The following CLDN2 variants were observed in gnomAD, a reference collection of about 807,000 sequenced individuals.
CLDN2 encodes the protein claudin-2.
CLDN2 carries 1 observed loss-of-function variant against 8.2 expected under a neutral mutation model. The ratio of observed to expected loss-of-function variants is 0.12; its 90% CI spans 0.04 to 0.58. The LOEUF (loss-of-function observed/expected upper bound fraction) is 0.58. CLDN2 is among the 20% of genes least tolerant of loss of function. The pLI, the probability that CLDN2 is intolerant of heterozygous loss-of-function variation, is 0.90. For synonymous variants in CLDN2, 70 were observed against 70.2 expected, an observed-to-expected ratio of 1.00 and a Z score of 0.01; for missense variants, 108 against 172.9, an observed-to-expected ratio of 0.62 and a Z score of 2.11.
chrX:106,907,532 C>T (rs1933194347), intron 1 of CLDN2, among the ~76,000 whole-genome samples: 1 of 110,476 alleles, frequency 9.1e-6, no homozygotes, highest in Non-Finnish European at 1.9e-5. Flanking sequence ...AAAACCCCAT[C>T]TCTACTAAAA....
At chrX:106,916,307 C>A (rs567841819), upstream of CLDN2, among the ~76,000 whole-genome samples, 152 of 110,554 alleles carry the variant, frequency 1.4e-3, 1 homozygote, top group African/African-American at 4.8e-3. Flanking sequence ...CCAGGGTCCA[C>A]AAAGAGTTCC....
chrX:106,922,942 T>C (rs531480071), intron 1 of CLDN2, among the ~76,000 whole-genome samples: 4 of 109,656 alleles, frequency 3.6e-5, no homozygotes, highest in African/African-American at 1.3e-4. Flanking sequence ...AAGTTTGAAC[T>C]TCATCCTGAA....
chrX:106,909,582 G>A (rs1388518935), intron 1 of CLDN2, among the ~76,000 whole-genome samples: 1 of 112,049 alleles, frequency 8.9e-6, no homozygotes, highest in Non-Finnish European at 1.9e-5. Context: ...ATCCAGTGAG[G>A]GTGCCCAGTG....
Position 106,903,346 on chromosome X carries a change from G to A in CLDN2, c.-179+2842G>A. On this transcript the variant is annotated intron_variant, in intron 1 of 1. Transcript: ENST00000541806. Reference sequence around the variant, plus strand: ...TTCCCAGAACCTTCTGCACTCTTTTGGCTTTTCCTGGGAGACCCTTTTATA... The same window carrying A: ...TTCCCAGAACCTTCTGCACTCTTTTAGCTTTTCCTGGGAGACCCTTTTATA... The A allele has an allele frequency of 4.6e-6, 5 of 1,093,111 alleles. No individual in the cohort carries two copies. In the South Asian group the frequency reaches 1.2e-4, roughly 26 times the overall value. The allele number at this position is 1,093,111 out of a possible 1,213,427, so 90.1% of individuals were successfully genotyped here. A position where few individuals can be genotyped will look rare whatever the true frequency, so the allele number is the denominator to read the frequency against.
rs1384560660 is a variant in CLDN2 at position 106,930,159 on chromosome X, G to A, written c.*1238G>A. 1 of 122,969 alleles carries A rather than the reference G, an allele frequency of 8.1e-6. No individual in the cohort carries two copies. Among genetic ancestry groups the A allele is most frequent in the Non-Finnish European group, 1.9e-5 (1 of 53,280 alleles). The allele number at this position is 122,969 out of a possible 1,213,427, so 10.1% of individuals were successfully genotyped here. A position where few individuals can be genotyped will look rare whatever the true frequency, so the allele number is the denominator to read the frequency against. ...GCGAGCCCCTTCAGATTCCCCCACT[G>A]TCCATCGGAAGATGCTCCAGAGTGG... is the stretch of plus-strand genomic sequence containing the variant. On this transcript the variant is annotated 3_prime_UTR_variant, in exon 2 of 2. Transcript: ENST00000336803.
Position 106,928,518 on chromosome X carries a change from T to C in CLDN2, c.290T>C (p.Ile97Thr). The change falls in exon 2 of 2, where the codon ATC becomes ACC. Residue 97 changes from isoleucine (I) to threonine (T), a missense_variant. This residue lies in a region of CLDN2 where 81 missense variants were observed against 100.8 expected (regional missense o/e 0.80). Coordinates refer to ENST00000336803, the MANE Select transcript of CLDN2 (RefSeq NM_020384.4). ...SSAISSLACI[I>T]SVVGMRCTVF... ...GCAATCTCCTCCCTGGCCTGCATTA[T>C]CTCTGTGGTGGGCATGAGATGCACA... 1 of 1,211,556 alleles carries C rather than the reference T, an allele frequency of 8.3e-7. No homozygotes were observed.
At chrX:106,908,778 T>G (rs1321868731) in intron 1 of CLDN2, among the ~76,000 whole-genome samples, 5 of 110,175 alleles carry the variant, frequency 4.5e-5, no homozygotes, top group Non-Finnish European at 9.5e-5. Flanking sequence ...TCTATAACAA[T>G]GTTTATATAC....
chrX:106,921,493 T>C (rs1214136479), intron 1 of CLDN2, among the ~76,000 whole-genome samples: 3 of 111,600 alleles, frequency 2.7e-5, no homozygotes, highest in African/African-American at 9.8e-5. Context: ...TGAGGCTGAC[T>C]GACAGAAGAG....
At chrX:106,922,158 C>T (rs747522725) in intron 1 of CLDN2, among the ~76,000 whole-genome samples, 1 of 112,167 alleles carries the variant, frequency 8.9e-6, no homozygotes, top group Non-Finnish European at 1.9e-5. Context: ...GCTCATCAGA[C>T]AAACAAAAAC....
chrX:106,915,580 T>C (rs1414157630), upstream of CLDN2, among the ~76,000 whole-genome samples: 1 of 112,394 alleles, frequency 8.9e-6, no homozygotes, highest in African/African-American at 3.2e-5. Flanking sequence ...TTACAAATCT[T>C]GCTACATTGG....
chrX:106,903,331 C>A, intron 1 of CLDN2: 2 of 1,134,550 alleles, frequency 1.8e-6, no homozygotes, highest in Non-Finnish European at 2.3e-6. Flanking sequence ...TTCCCAGAAC[C>A]TTCTGCACTC....
intron 1 of CLDN2, among the ~76,000 whole-genome samples, chrX:106,910,864 T>G (rs1933239885): frequency 8.9e-6 from 1 of 111,937 alleles, no homozygotes; most frequent in Admixed American, 9.5e-5. Flanking sequence ...CAGTCGATCT[T>G]AACGTGGAAA....
upstream of CLDN2, chrX:106,920,391 G>A (rs980521710): frequency 1.9e-5 from 2 of 107,027 alleles, no homozygotes; most frequent in Non-Finnish European, 3.8e-5. Context: ...TCTGACCCAC[G>A]GCTCAGATTT....
At chrX:106,901,327 T>C in intron 1 of CLDN2, 1 of 576,164 alleles carries the variant, frequency 1.7e-6, no homozygotes. Flanking sequence ...CAAAGTCCCT[T>C]AACCTCTCTG....
At chrX:106,923,901 G>A (rs1443833257) in intron 1 of CLDN2, among the ~76,000 whole-genome samples, 2 of 111,436 alleles carry the variant, frequency 1.8e-5, no homozygotes, top group Non-Finnish European at 3.8e-5. Context: ...GAAACCCTGA[G>A]GAGGCTAGAG....
chrX:106,903,370 T>A, intron 1 of CLDN2: 1 of 989,676 alleles, frequency 1.0e-6, no homozygotes, highest in Non-Finnish European at 1.4e-6. Flanking sequence ...GACCCTTTTA[T>A]AAGCCCTGCC....
At chrX:106,927,379 C>T (rs1602462775) in intron 1 of CLDN2, among the ~76,000 whole-genome samples, 1 of 111,163 alleles carries the variant, frequency 9.0e-6, no homozygotes, top group East Asian at 2.8e-4. Context: ...AGTGCTCCCT[C>T]ATCATCCAAG....
intron 1 of CLDN2, among the ~76,000 whole-genome samples, chrX:106,901,700 C>G (rs1254236907): frequency 9.0e-6 from 1 of 111,719 alleles, no homozygotes; most frequent in Non-Finnish European, 1.9e-5. Context: ...CAAGGGGTCT[C>G]TCTTGGTTCT....
chrX:106,919,833 T>C (rs148778547), upstream of CLDN2, among the ~76,000 whole-genome samples: 33 of 112,549 alleles, frequency 2.9e-4, no homozygotes, highest in East Asian at 2.5e-3. Context: ...GGCACTGCCA[T>C]GTGTGGTAAA....
Sources: gnomAD v4.1 joint callset for allele counts (sites outside exome capture counted in the v4.1 genomes callset) on GRCh38, gnomAD v4.1.1 for gene constraint, gnomAD v4.1.1 regional missense constraint, MANE v1.5 for transcripts, NCBI Gene and HGNC (gene_info 2026-07-23, HGNC 2026-07-21) for gene names.